Variants in LSMEM2 observed in about 807,000 individuals in gnomAD.
The protein encoded by LSMEM2 is leucine rich single-pass membrane protein 2.
In LSMEM2, 20 loss-of-function variants were observed where a neutral mutation model predicts 17.3. That is an observed-to-expected ratio of 1.16 (90% confidence interval 0.81 to 1.68). The LOEUF (loss-of-function observed/expected upper bound fraction) is 1.68, where lower values mean the gene tolerates loss of function less well. Ranked by LOEUF, LSMEM2 falls within the 40% of genes most tolerant of loss-of-function variation. The pLI is 0.00. For missense variants in LSMEM2, 207 were observed against 214.3 expected (o/e 0.97, Z 0.21); for synonymous variants, 94 against 97.8 (o/e 0.96, Z 0.23).
intron 1 of LSMEM2, among the ~76,000 whole-genome samples, chr3:50,280,406 T>G (rs1298941516): frequency 6.6e-6 from 1 of 151,830 alleles, no homozygotes; most frequent in South Asian, 2.1e-4. Context: ...CCACCCACCT[T>G]GGCCTCCCAA....
chr3:50,284,605 T>C (rs1361864716), intron 1 of LSMEM2, among the ~76,000 whole-genome samples: 6 of 152,092 alleles, frequency 3.9e-5, no homozygotes, highest in African/African-American at 1.4e-4. Context: ...TGGTAGTGCA[T>C]GCCTGTAGTC....
Position 50,287,197 on chromosome 3 carries a change from A to G in LSMEM2, c.490A>G (p.Ser164Gly), listed in dbSNP as rs1701570758. The change falls in exon 4 of 4, where the codon AGC becomes GGC. Residue 164 changes from serine to glycine, a missense_variant. Ser to Gly is a moderately conservative substitution (Grantham distance 56). Transcript: ENST00000316436. ...CAACTCCAGTGAGGCCCAAGCACCC[A>G]GCTGAGATGCCATTTGGATCTGGGG... ...RLNSSEAQAPS is the reference protein window; with the variant it reads ...RLNSSEAQAPG 1 of 1,602,064 alleles carries G rather than the reference A, an allele frequency of 6.2e-7. No individual in the cohort carries two copies. Among genetic ancestry groups the G allele is most frequent in the South Asian group, 1.1e-5 (1 of 91,000 alleles).
At position 50,286,792 on chromosome 3, in the gene LSMEM2, GTTCCTGCTGCTGCTCGCGCTGCTGGTGC is replaced by G. The variant is rs2109270653; in HGVS notation, c.293_320del (p.Phe98SerfsTer4). ...GCAGCCCTGTGTACAGACGAGGAGG[GTTCCTGCTGCTGCTCGCGCTGCTGGTGC>G]TCACTTGCCTAGTGCTCGCACTCCT... is the stretch of plus-strand genomic sequence containing the variant. On this transcript the variant is annotated frameshift_variant, in exon 3 of 4. Transcript: ENST00000316436. LOFTEE classifies it high-confidence loss of function. The G allele has an allele frequency of 1.2e-6, 2 of 1,614,164 alleles. No individual in the cohort carries two copies. Among genetic ancestry groups the G allele is most frequent in the Non-Finnish European group, 1.7e-6 (2 of 1,180,040 alleles).
At chr3:50,280,595 C>CT (rs58315474) in intron 1 of LSMEM2, among the ~76,000 whole-genome samples, 679 of 136,316 alleles carry the variant, frequency 5.0e-3, no homozygotes, top group Middle Eastern at 0.011. Context: ...CCTTTCTTTT[C>CT]TTTTTTTTTT....
chr3:50,286,424 G>T, intron 1 of LSMEM2, 47 bp from the exon 2 acceptor site: 1 of 1,535,950 alleles, frequency 6.5e-7, no homozygotes, highest in East Asian at 2.4e-5. Context: ...GTAGAAGGAA[G>T]GGGGTTGACC....
chr3:50,286,839 C>T lies in LSMEM2; in HGVS notation c.338C>T (p.Ala113Val). The change falls in exon 3 of 4, where the codon GCA (alanine) becomes GTA (valine). Residue 113 changes from alanine to valine, a missense_variant. Coordinates refer to ENST00000316436, the MANE Select transcript of LSMEM2 (RefSeq NM_153215.3). Reference sequence around the variant, plus strand: ...CTGGTGCTCACTTGCCTAGTGCTCGCACTCCTGGCTGTCTACCTGAGCGGT... The same window carrying T: ...CTGGTGCTCACTTGCCTAGTGCTCGTACTCCTGGCTGTCTACCTGAGCGGT... ...ALLVLTCLVL[A>V]LLAVYLSVLQ... 1 of 1,613,870 alleles carries T rather than the reference C, an allele frequency of 6.2e-7. No individual in the cohort carries two copies. The highest frequency in any genetic ancestry group is 8.5e-7 in the Non-Finnish European group (1 of 1,180,024).
rs587715914 is a variant in LSMEM2, at chr3:50,285,204, C to T, written c.59-1267C>T. On this transcript the variant is annotated intron_variant, in intron 1 of 3. Coordinates refer to ENST00000316436, the MANE Select transcript of LSMEM2 (RefSeq NM_153215.3). ...AAAAGTAGCTGGGTGTGGTGGAAGG[C>T]GCCTGTAATCCCAGCTACTCAGGAG... Among the ~76,000 whole-genome samples the T allele has an allele frequency of 2.1e-3, 322 of 151,666 alleles. 1 individual carries two copies. The highest frequency in any genetic ancestry group is 8.2e-3 in the Admixed American group (125 of 15,206).
intron 1 of LSMEM2, among the ~76,000 whole-genome samples, chr3:50,283,182 T>G (rs781981381): frequency 2.7e-5 from 4 of 149,200 alleles, no homozygotes; most frequent in Non-Finnish European, 5.9e-5. Flanking sequence ...AGATTCTGTC[T>G]CAAAAACAAA....
intron 1 of LSMEM2, among the ~76,000 whole-genome samples, chr3:50,284,788 C>T (rs1553708177): frequency 6.6e-6 from 1 of 152,072 alleles, no homozygotes; most frequent in African/African-American, 2.4e-5. Context: ...GTAATCCCAG[C>T]ACTTTGGGAG....
At chr3:50,284,584 T>A (rs1011613095) in intron 1 of LSMEM2, among the ~76,000 whole-genome samples, 1 of 151,486 alleles carries the variant, frequency 6.6e-6, no homozygotes, top group Non-Finnish European at 1.5e-5. Flanking sequence ...ACAAAAAAAA[T>A]TAACTGGGCA....
In LSMEM2 at chr3:50,286,685, C is replaced by T. The variant is rs374858403; in HGVS notation, c.184C>T (p.Arg62Cys). Residue 62 changes from arginine to cysteine, a missense_variant, in exon 3 of 4, where the codon CGC (arginine) becomes TGC (cysteine). By Grantham distance (180) the Arg-to-Cys change is radical. Coordinates refer to ENST00000316436, the MANE Select transcript of LSMEM2 (RefSeq NM_153215.3). The stretch of plus-strand genomic sequence containing the variant: ...TCCCATCCACCCAGCAGGCACACTG[C>T]GCCCCTATCTAACTGAAGAGGCACG... ...SDLHSGAGTL[R>C]PYLTEEARPW... 3.5e-5 allele frequency: 57 copies of T among 1,613,654 alleles called. No homozygotes were observed. The highest frequency in any genetic ancestry group is 1.8e-4 in the East Asian group (8 of 44,892).
chr3:50,277,954 G>A (rs1173313082), upstream of LSMEM2, among the ~76,000 whole-genome samples: 3 of 152,216 alleles, frequency 2.0e-5, no homozygotes, highest in African/African-American at 4.8e-5. Flanking sequence ...GCAACAGAGC[G>A]AGACTCTGTC....
rs1199422204 is a variant in LSMEM2, at chr3:50,288,111, T to C, written c.*909T>C. On this transcript the variant is annotated 3_prime_UTR_variant, in exon 4 of 4. Transcript: ENST00000316436. ...AAAAAAATAAAGTGACAAATACTGGTGGAGACCAGTTGTTGCACTGTCTTC... is the reference window on the plus strand; with the variant it reads ...AAAAAAATAAAGTGACAAATACTGGCGGAGACCAGTTGTTGCACTGTCTTC... 6 of 1,211,694 alleles carry C rather than the reference T, an allele frequency of 5.0e-6. No homozygotes were observed. Among genetic ancestry groups the C allele is most frequent in the Non-Finnish European group, 7.2e-6 (6 of 833,090 alleles). The allele number at this position is 1,211,694 out of a possible 1,614,324, so 75.1% of individuals were successfully genotyped here.
chr3:50,285,624 A>G (rs1701500166), intron 1 of LSMEM2, among the ~76,000 whole-genome samples: 1 of 152,148 alleles, frequency 6.6e-6, no homozygotes, highest in Admixed American at 6.5e-5. Context: ...TGGGCAATAC[A>G]GGGAGACTCC....
intron 1 of LSMEM2, among the ~76,000 whole-genome samples, chr3:50,282,509 G>A (rs1478603308): frequency 6.6e-6 from 1 of 152,222 alleles, no homozygotes; most frequent in Admixed American, 6.5e-5. Context: ...ACTGTTATCA[G>A]CTTCCAGGTG....
At chr3:50,282,732 A>G (rs1219886715) in intron 1 of LSMEM2, among the ~76,000 whole-genome samples, 1 of 152,178 alleles carries the variant, frequency 6.6e-6, no homozygotes, top group East Asian at 1.9e-4. Flanking sequence ...TAAAAATGCA[A>G]AAATTAGCTG....
chr3:50,281,367 T>A (rs1382791849), intron 1 of LSMEM2, among the ~76,000 whole-genome samples: 1 of 136,076 alleles, frequency 7.3e-6, no homozygotes, highest in African/African-American at 2.8e-5. Flanking sequence ...GCCCTTTTTT[T>A]TTTTTTTTTT....
At position 50,279,180 on chromosome 3, in the gene LSMEM2, G is replaced by A. The variant is rs369855291; in HGVS notation, c.58+9G>A. 1.1e-5 allele frequency: 17 copies of A among 1,613,980 alleles called. No individual in the cohort carries two copies. Among genetic ancestry groups the A allele is most frequent in the Non-Finnish European group, 1.4e-5 (16 of 1,179,838 alleles). Reference sequence around the variant, plus strand: ...TGAGGAGACCCAAGAAGGTAGGAGAGGGTGACCATGAGGGAGGGCAAGGCC... The same window carrying A: ...TGAGGAGACCCAAGAAGGTAGGAGAAGGTGACCATGAGGGAGGGCAAGGCC... On this transcript the variant is annotated intron_variant, in intron 1 of 3. Transcript: ENST00000316436.
At position 50,286,570 on chromosome 3, in the gene LSMEM2, A is replaced by T; in HGVS notation, c.158A>T (p.Asp53Val). 6.2e-7 allele frequency: 1 copy of T among 1,612,308 alleles called. No individual in the cohort carries two copies. The highest frequency in any genetic ancestry group is 1.1e-5 in the South Asian group (1 of 90,730). Residue 53 changes from aspartate to valine, a missense_variant, in exon 2 of 4, where the codon GAC (aspartate) becomes GTC (valine). Physicochemically the swap from Asp to Val is radical, Grantham distance 152 (BLOSUM62 -3). Transcript: ENST00000316436. The part of the protein sequence containing the change: ...VCLHQVESIS[D>V]LHSGAGTLRP... ...CTGCACCAGGTGGAGTCCATCAGCG[A>T]CCTACATAGTGGAGGTGAGTGGGGA...
Sources: allele counts gnomAD v4.1 joint callset (sites outside exome capture counted in the v4.1 genomes callset), GRCh38; gene constraint gnomAD v4.1.1; transcripts MANE v1.5; gene names NCBI Gene and HGNC (gene_info 2026-07-23, HGNC 2026-07-21).